Variants in FRMD4A observed in about 807,000 individuals in gnomAD.
FRMD4A encodes FERM domain containing 4A, also known as FERM domain-containing protein 4A.
A neutral mutation model predicts 129.1 loss-of-function variants in FRMD4A; 29 were observed. The observed-to-expected ratio is 0.22, with a 90% CI of 0.17 to 0.31. The LOEUF is 0.31. Among genes scored for constraint, FRMD4A ranks in the 10% least tolerant of loss-of-function variants. FRMD4A has a pLI of 1.00. For synonymous variants in FRMD4A, 634 were observed against 571.6 expected, an observed-to-expected ratio of 1.11 and a Z score of -1.56; for missense variants, 1,272 against 1,375.8, an observed-to-expected ratio of 0.92 and a Z score of 1.19.
intron 2 of FRMD4A, among the ~76,000 whole-genome samples, chr10:14,275,565 G>T (rs1845309788): frequency 6.6e-6 from 1 of 152,196 alleles, no homozygotes; most frequent in African/African-American, 2.4e-5. Context: ...AGATAATAAA[G>T]CCAGTTTACA....
chr10:14,110,128 A>T (rs988968874), intron 2 of FRMD4A, among the ~76,000 whole-genome samples: 1 of 148,894 alleles, frequency 6.7e-6, no homozygotes, highest in Non-Finnish European at 1.5e-5. Context: ...GATGCTGTAA[A>T]AAAAAAAAAA....
intron 2 of FRMD4A, among the ~76,000 whole-genome samples, chr10:13,909,636 G>A (rs1286794863): frequency 1.3e-5 from 2 of 152,186 alleles, no homozygotes; most frequent in Non-Finnish European, 2.9e-5. Context: ...CTAAACCATG[G>A]TGTCTCTTGT....
At chr10:13,992,506 C>G (rs921963106) in intron 2 of FRMD4A, among the ~76,000 whole-genome samples, 2 of 152,156 alleles carry the variant, frequency 1.3e-5, no homozygotes, top group African/African-American at 4.8e-5. Context: ...CCAGTCCAGG[C>G]CAAGAATAGG....
At chr10:13,663,389 C>T (rs2082784588) in intron 19 of FRMD4A, 64 bp downstream of exon 19, 1 of 906,326 alleles carries the variant, frequency 1.1e-6, no homozygotes, top group Non-Finnish European at 1.9e-6. Context: ...CCCCAGACTA[C>T]ATAGAAATTC....
intron 3 of FRMD4A, among the ~76,000 whole-genome samples, chr10:13,856,805 T>C (rs2131031388): frequency 6.6e-6 from 1 of 152,302 alleles, no homozygotes; most frequent in East Asian, 1.9e-4. Context: ...TATTTTTTTC[T>C]GAAAGCAGGC....
At chr10:13,851,641 C>T (rs560676571) in intron 3 of FRMD4A, among the ~76,000 whole-genome samples, 3 of 152,196 alleles carry the variant, frequency 2.0e-5, no homozygotes, top group African/African-American at 7.2e-5. Flanking sequence ...GTGGCTCACA[C>T]CTGTAATCCC....
At chr10:14,044,208 C>CATTCTACATTTTACA (rs1833894636) in intron 2 of FRMD4A, among the ~76,000 whole-genome samples, 1 of 152,202 alleles carries the variant, frequency 6.6e-6, no homozygotes, top group African/African-American at 2.4e-5. Flanking sequence ...TTTACATTCT[C>CATTCTACATTTTACA]TTTCCTGTCG....
intron 24 of FRMD4A, chr10:13,648,789 T>C (rs1041213176): frequency 6.6e-6 from 1 of 152,158 alleles, no homozygotes; most frequent in African/African-American, 2.4e-5. Context: ...TCTTAAACTG[T>C]TGATGAAATT....
chr10:14,104,558 G>A (rs532834979), intron 2 of FRMD4A, among the ~76,000 whole-genome samples: 4 of 152,326 alleles, frequency 2.6e-5, no homozygotes, highest in East Asian at 1.9e-4. Context: ...GAGGCTCTAC[G>A]GTGGCCCCGC....
intron 17 of FRMD4A, among the ~76,000 whole-genome samples, chr10:13,669,380 T>C (rs10796111): frequency 0.35 from 52,529 of 152,048 alleles, 10,437 homozygotes; most frequent in East Asian, 0.77. Context: ...ACATGAGCTT[T>C]AGTTTTAATT....
chr10:14,073,341 T>C (rs1471617922), intron 2 of FRMD4A, among the ~76,000 whole-genome samples: 1 of 152,068 alleles, frequency 6.6e-6, no homozygotes, highest in African/African-American at 2.4e-5. Context: ...GGAAGCTTCT[T>C]TGGTGGGAAG....
At chr10:13,963,710 A>G (rs1588581619) in intron 2 of FRMD4A, among the ~76,000 whole-genome samples, 1 of 152,304 alleles carries the variant, frequency 6.6e-6, no homozygotes. Context: ...AAACACACAA[A>G]GCGTTCTACG....
At chr10:14,095,616 T>C (rs1264142582) in intron 2 of FRMD4A, among the ~76,000 whole-genome samples, 1 of 152,268 alleles carries the variant, frequency 6.6e-6, no homozygotes, top group East Asian at 1.9e-4. Flanking sequence ...TGTGGGCCAG[T>C]GTTGCTCACT....
chr10:13,672,166 C>G (rs748566460), intron 16 of FRMD4A, among the ~76,000 whole-genome samples: 10 of 152,226 alleles, frequency 6.6e-5, no homozygotes, highest in African/African-American at 9.6e-5. Flanking sequence ...TCGCCTGCTT[C>G]TCCCTCGCTG....
At chr10:14,084,232 C>T (rs759456535) in intron 2 of FRMD4A, among the ~76,000 whole-genome samples, 18 of 152,132 alleles carry the variant, frequency 1.2e-4, no homozygotes, top group Non-Finnish European at 2.2e-4. Context: ...CTGCAACCTC[C>T]GCCTCCTGGG....
chr10:14,012,889 A>G (rs1426560426), intron 2 of FRMD4A, among the ~76,000 whole-genome samples: 1 of 152,192 alleles, frequency 6.6e-6, no homozygotes, highest in Non-Finnish European at 1.5e-5. Flanking sequence ...CTGGCACTAA[A>G]TAAACTCATT....
intron 2 of FRMD4A, among the ~76,000 whole-genome samples, chr10:14,307,440 C>G (rs1218406): frequency 6.6e-6 from 1 of 152,158 alleles, no homozygotes; most frequent in Non-Finnish European, 1.5e-5. Flanking sequence ...ACATTCACAC[C>G]ACATGTTTGA....
At chr10:14,287,573 G>T (rs1258917207) in intron 2 of FRMD4A, among the ~76,000 whole-genome samples, 1 of 152,158 alleles carries the variant, frequency 6.6e-6, no homozygotes, top group Admixed American at 6.5e-5. Flanking sequence ...AAAGGAGACT[G>T]CACCCAACGA....
chr10:14,223,372 A>AGCT (rs1422974864), intron 2 of FRMD4A, among the ~76,000 whole-genome samples: 2 of 152,134 alleles, frequency 1.3e-5, no homozygotes, highest in Non-Finnish European at 2.9e-5. Flanking sequence ...CTCTTGGAAG[A>AGCT]GCTGCTCTCT....
Sources: allele counts gnomAD v4.1 joint callset (sites outside exome capture counted in the v4.1 genomes callset), GRCh38; gene constraint gnomAD v4.1.1; transcripts MANE v1.5; gene names NCBI Gene and HGNC (gene_info 2026-07-23, HGNC 2026-07-21).